Variants in HS2ST1 observed in about 807,000 individuals in gnomAD.
HS2ST1 encodes 2-O-sulfotransferase.
In HS2ST1, 18 loss-of-function variants were observed where a neutral mutation model predicts 42.9. The observed-to-expected ratio is 0.42, with a 90% CI of 0.29 to 0.62. The LOEUF (loss-of-function observed/expected upper bound fraction) is 0.62. Ranked by LOEUF, HS2ST1 falls within the 20% of genes least tolerant of loss-of-function variation. The pLI is 0.21. For synonymous variants in HS2ST1, 146 were observed against 152.9 expected, an observed-to-expected ratio of 0.95 and a Z score of 0.33; for missense variants, 334 against 433.8, an observed-to-expected ratio of 0.77 and a Z score of 2.04.
At chr1:86,958,532 C>A (rs1038643538) in intron 1 of HS2ST1, 1 of 152,172 alleles carries the variant, frequency 6.6e-6, no homozygotes, top group Non-Finnish European at 1.5e-5. Flanking sequence ...GCAGTTCAAA[C>A]CCATGTTGTT....
At chr1:86,939,553 G>T (rs949860221) in intron 1 of HS2ST1, among the ~76,000 whole-genome samples, 1 of 152,216 alleles carries the variant, frequency 6.6e-6, no homozygotes, top group African/African-American at 2.4e-5. Flanking sequence ...AGTGGTTTTC[G>T]CTCTTGGCTA....
chr1:86,985,413 TATATATACACATATATACACAC>T (rs1557504730), intron 1 of HS2ST1, among the ~76,000 whole-genome samples: 38 of 56,974 alleles, frequency 6.7e-4, no homozygotes, highest in Non-Finnish European at 8.4e-4. Flanking sequence ...TATATACACA[TATATATACACATATATACACAC>T]ATATATACAC....
At chr1:87,027,229 CT>C (rs1650111241) in intron 1 of HS2ST1, among the ~76,000 whole-genome samples, 2 of 152,188 alleles carry the variant, frequency 1.3e-5, no homozygotes, top group Non-Finnish European at 2.9e-5. Context: ...TTGGTATCCA[CT>C]TTCTTTTTAT....
At chr1:86,944,405 A>G (rs1049079660) in intron 1 of HS2ST1, among the ~76,000 whole-genome samples, 2 of 152,062 alleles carry the variant, frequency 1.3e-5, no homozygotes, top group Non-Finnish European at 2.9e-5. Flanking sequence ...CCCAGGCTGG[A>G]GTGCAGTGGC....
At chr1:87,054,915 G>A (rs556161408) in intron 1 of HS2ST1, among the ~76,000 whole-genome samples, 9 of 152,132 alleles carry the variant, frequency 5.9e-5, no homozygotes, top group African/African-American at 9.7e-5. Flanking sequence ...TCGAGATTTC[G>A]TTACAACAGC....
At chr1:87,093,872 T>TTTTTTTTTTTTTTTTTTTG (rs1652002968) in intron 4 of HS2ST1, among the ~76,000 whole-genome samples, 2 of 151,878 alleles carry the variant, frequency 1.3e-5, no homozygotes, top group African/African-American at 4.8e-5. Flanking sequence ...TTTTCCTTTT[T>TTTTTTTTTTTTTTTTTTTG]AATGATTTCT....
intron 1 of HS2ST1, among the ~76,000 whole-genome samples, chr1:86,939,394 T>C (rs1258286591): frequency 6.6e-6 from 1 of 152,218 alleles, no homozygotes. Flanking sequence ...AGCTGAAGTG[T>C]GTCAGGATTA....
intron 1 of HS2ST1, among the ~76,000 whole-genome samples, chr1:87,022,405 A>G (rs1649975596): frequency 6.6e-6 from 1 of 152,186 alleles, no homozygotes; most frequent in Admixed American, 6.5e-5. Context: ...TGTTAGGCAA[A>G]ATTGCACCAT....
chr1:86,928,761 T>A (rs1442603612), intron 1 of HS2ST1, among the ~76,000 whole-genome samples: 1 of 152,020 alleles, frequency 6.6e-6, no homozygotes, highest in Admixed American at 6.6e-5. Context: ...CTTCCTACTT[T>A]GAAGGTTAAA....
At chr1:86,916,126 A>G (rs1430576308) in intron 1 of HS2ST1, among the ~76,000 whole-genome samples, 1 of 152,218 alleles carries the variant, frequency 6.6e-6, no homozygotes, top group African/African-American at 2.4e-5. Context: ...TTAATAGGGC[A>G]CTTTGGCATT....
chr1:86,945,412 T>C (rs1187842908), intron 1 of HS2ST1, among the ~76,000 whole-genome samples: 2 of 152,222 alleles, frequency 1.3e-5, no homozygotes, highest in African/African-American at 4.8e-5. Context: ...ATGAAAAATC[T>C]AATTTAATTA....
chr1:87,097,867 C>T lies in HS2ST1; in HGVS notation c.618C>T (p.Gly206=), dbSNP rs193059300. 9.5e-5 allele frequency: 153 copies of T among 1,614,038 alleles called. 2 individuals are homozygous for T. The highest frequency in any genetic ancestry group is 5.1e-6 in the Non-Finnish European group (6 of 1,179,940). The part of the protein sequence containing the change: ...KTFDECVAEG[G]SDCAPEKLWL... ...TTGATGAATGTGTAGCAGAAGGTGG[C>T]TCAGACTGTGCTCCAGAGAAGCTCT... The change falls in exon 5 of 7, where the codon GGC becomes GGT. Residue 206 remains glycine (G), a synonymous_variant. Coordinates refer to ENST00000370550, the MANE Select transcript of HS2ST1 (RefSeq NM_012262.4).
chr1:87,015,709 G>A (rs1264952477), intron 1 of HS2ST1, among the ~76,000 whole-genome samples: 1 of 152,050 alleles, frequency 6.6e-6, no homozygotes. Context: ...CCATAAGGTG[G>A]CCCATCTTAC....
Position 87,106,712 on chromosome 1 carries a change from T to G in HS2ST1, c.*2016T>G, listed in dbSNP as rs1265030238. 1.3e-5 allele frequency: 2 copies of G among 152,048 alleles called. No individual in the cohort carries two copies. The highest frequency in any genetic ancestry group is 2.9e-5 in the Non-Finnish European group (2 of 67,932). 9.4% of individuals were successfully genotyped at this position (152,048 alleles called of 1,614,324 possible). On this transcript the variant is annotated 3_prime_UTR_variant, in exon 7 of 7. Transcript: ENST00000370550. ...GCTTTTTTCTTTCCTTTTTTCAAATTGACTTTTATAGGTATTTCCTGAAAG... is the reference window on the plus strand; with the variant it reads ...GCTTTTTTCTTTCCTTTTTTCAAATGGACTTTTATAGGTATTTCCTGAAAG...
At chr1:87,092,760 T>C in intron 4 of HS2ST1, 91 bp downstream of exon 4, 4 of 805,508 alleles carry the variant, frequency 5.0e-6, no homozygotes, top group Non-Finnish European at 1.7e-6. Flanking sequence ...TAATTATAAA[T>C]TTATTACTTG....
chr1:87,103,359 T>C, intron 5 of HS2ST1, 73 bp from the exon 6 acceptor site: 8 of 1,342,814 alleles, frequency 6.0e-6, no homozygotes, highest in Non-Finnish European at 7.1e-6. Flanking sequence ...CTCTGTAATA[T>C]ATGGTGTCAA....
chr1:87,065,571 G>A (rs1651228052), intron 1 of HS2ST1, among the ~76,000 whole-genome samples: 1 of 152,176 alleles, frequency 6.6e-6, no homozygotes, highest in Non-Finnish European at 1.5e-5. Context: ...TAGGGTCATA[G>A]ACCCCCTTGC....
intron 1 of HS2ST1, among the ~76,000 whole-genome samples, chr1:87,021,671 A>C (rs1649957033): frequency 6.6e-6 from 1 of 152,150 alleles, no homozygotes. Flanking sequence ...GCATACCACC[A>C]CACCCAGCTA....
chr1:87,052,742 A>C (rs947979746), intron 1 of HS2ST1, among the ~76,000 whole-genome samples: 3 of 152,322 alleles, frequency 2.0e-5, no homozygotes, highest in East Asian at 3.9e-4. Context: ...AGTTTATACC[A>C]TTACGTTGTT....
Sources: allele counts gnomAD v4.1 joint callset (sites outside exome capture counted in the v4.1 genomes callset), GRCh38; gene constraint gnomAD v4.1.1; transcripts MANE v1.5; gene names NCBI Gene and HGNC (gene_info 2026-07-23, HGNC 2026-07-21).